PARD3: variants seen among roughly 807,000 people sequenced by gnomAD.
PARD3 encodes partitioning defective 3 homolog.
PARD3 carries 75 observed loss-of-function variants against 155.4 expected under a neutral mutation model. The ratio of observed to expected loss-of-function variants is 0.48; its 90% confidence interval spans 0.40 to 0.58. PARD3 has a LOEUF of 0.58. Among genes scored for constraint, PARD3 ranks in the 20% least tolerant of loss-of-function variants. The pLI, the probability that PARD3 is intolerant of heterozygous loss-of-function variation, is 0.00. For synonymous variants in PARD3, 576 were observed against 610.5 expected, an observed-to-expected ratio of 0.94 and a Z score of 0.83; for missense variants, 1,642 against 1,721.7, an observed-to-expected ratio of 0.95 and a Z score of 0.82.
chr10:34,785,456 GAA>G (rs1175761398), intron 1 of PARD3, among the ~76,000 whole-genome samples: 1 of 151,428 alleles, frequency 6.6e-6, no homozygotes. Flanking sequence ...TTTTTAGAAA[GAA>G]AAAGAGTCCA....
intron 22 of PARD3, among the ~76,000 whole-genome samples, chr10:34,214,734 A>G (rs1210224028): frequency 3.3e-5 from 5 of 152,240 alleles, no homozygotes; most frequent in Middle Eastern, 6.3e-3. Flanking sequence ...ATCTGAAAGC[A>G]TCATACAGAG....
At chr10:34,153,289 G>A (rs1374040930) in intron 22 of PARD3, among the ~76,000 whole-genome samples, 1 of 152,114 alleles carries the variant, frequency 6.6e-6, no homozygotes, top group East Asian at 1.9e-4. Context: ...TGGAATTACA[G>A]GTGTGAGATA....
intron 3 of PARD3, among the ~76,000 whole-genome samples, chr10:34,495,738 T>C (rs1479263633): frequency 2.6e-5 from 4 of 151,526 alleles, no homozygotes; most frequent in African/African-American, 9.7e-5. Flanking sequence ...GTTATTCAAA[T>C]GTGGGGCAAC....
At chr10:34,136,671 A>C (rs1342504552) in intron 22 of PARD3, among the ~76,000 whole-genome samples, 1 of 152,174 alleles carries the variant, frequency 6.6e-6, no homozygotes, top group East Asian at 1.9e-4. Context: ...GCTGCCAAAG[A>C]AGAGAGGAAA....
At chr10:34,442,966 G>A (rs923722168) in intron 5 of PARD3, among the ~76,000 whole-genome samples, 2 of 151,632 alleles carry the variant, frequency 1.3e-5, no homozygotes, top group African/African-American at 4.9e-5. Flanking sequence ...CTAGATCTCA[G>A]GGAAATGAGA....
chr10:34,346,149 A>G, intron 15 of PARD3: 1 of 1,027,820 alleles, frequency 9.7e-7, no homozygotes, highest in Non-Finnish European at 1.2e-6. Flanking sequence ...GAGTTTTAAG[A>G]GTTCAGTACA....
At chr10:34,206,569 T>C (rs1951489777) in intron 22 of PARD3, among the ~76,000 whole-genome samples, 1 of 152,202 alleles carries the variant, frequency 6.6e-6, no homozygotes, top group Admixed American at 6.5e-5. Flanking sequence ...GAGGACGCAG[T>C]GTTGCATCTC....
At chr10:34,234,597 C>G (rs1371362706) in intron 22 of PARD3, among the ~76,000 whole-genome samples, 1 of 152,126 alleles carries the variant, frequency 6.6e-6, no homozygotes. Context: ...AGTACTCAGC[C>G]AAATGTCATC....
chr10:34,772,186 G>A (rs541920962), intron 1 of PARD3, among the ~76,000 whole-genome samples: 3 of 152,224 alleles, frequency 2.0e-5, no homozygotes, highest in Admixed American at 2.0e-4. Context: ...ACTTTGGGAG[G>A]CTGAGGCGGG....
In PARD3 at chr10:34,809,599, T is replaced by C. The variant is rs112521176; in HGVS notation, c.120+5277A>G. Among the ~76,000 whole-genome samples the C allele has an allele frequency of 6.5e-3, 993 of 151,942 alleles. 12 individuals are homozygous for C. The highest frequency in any genetic ancestry group is 0.023 in the African/African-American group (935 of 41,416). ...AAATGCCAGAACAGAGGCAGCAAAG[T>C]GTATGTGAGTCCCAGGGGGTGGAGC... On this transcript the variant is annotated intron_variant, in intron 1 of 24. Transcript: ENST00000374788.
chr10:34,605,210 T>G (rs1394516421), intron 2 of PARD3, among the ~76,000 whole-genome samples: 31 of 64,240 alleles, frequency 4.8e-4, no homozygotes, highest in Non-Finnish European at 1.3e-4. Flanking sequence ...TTTTTTTTTT[T>G]GAGACGGAGT....
At chr10:34,592,781 T>G (rs968594051) in intron 2 of PARD3, among the ~76,000 whole-genome samples, 15 of 151,978 alleles carry the variant, frequency 9.9e-5, no homozygotes, top group Non-Finnish European at 7.4e-5. Context: ...TCTCAAAAAC[T>G]ATATAATAAT....
At chr10:34,803,003 A>T (rs1842958016) in intron 1 of PARD3, among the ~76,000 whole-genome samples, 1 of 150,966 alleles carries the variant, frequency 6.6e-6, no homozygotes, top group Non-Finnish European at 1.5e-5. Flanking sequence ...AGGCGGGTGG[A>T]TCACTTGAGG....
chr10:34,467,676 G>A (rs1323494888), intron 4 of PARD3, among the ~76,000 whole-genome samples: 1 of 152,106 alleles, frequency 6.6e-6, no homozygotes, highest in Non-Finnish European at 1.5e-5. Context: ...AACCTGGGAG[G>A]TAGAAGTTGT....
intron 1 of PARD3, among the ~76,000 whole-genome samples, chr10:34,725,896 GA>G (rs1330071700): frequency 2.0e-5 from 3 of 152,176 alleles, no homozygotes; most frequent in Non-Finnish European, 2.9e-5. Context: ...TGTCTTGAGT[GA>G]ATGCGTTTGT....
At chr10:34,718,341 T>TAG (rs2094552911) in intron 1 of PARD3, among the ~76,000 whole-genome samples, 2 of 151,764 alleles carry the variant, frequency 1.3e-5, no homozygotes, top group African/African-American at 2.4e-5. Context: ...GGAGAAATCT[T>TAG]AGGACAAAGG....
At chr10:34,336,325 G>T in intron 17 of PARD3, 82 bp from the exon 18 acceptor site, 2 of 964,938 alleles carry the variant, frequency 2.1e-6, no homozygotes, top group Non-Finnish European at 3.3e-6. Context: ...GATCTTTTTA[G>T]TTAGGTGACG....
At chr10:34,639,740 C>T (rs79005413) in intron 2 of PARD3, among the ~76,000 whole-genome samples, 7,354 of 151,926 alleles carry the variant, frequency 0.048, 546 homozygotes, top group African/African-American at 0.16. Context: ...CATGCTTGTA[C>T]CTGTAGTCCC....
chr10:34,281,163 C>T (rs1956140123), intron 21 of PARD3, among the ~76,000 whole-genome samples: 1 of 152,090 alleles, frequency 6.6e-6, no homozygotes, highest in African/African-American at 2.4e-5. Flanking sequence ...GGAACATGTT[C>T]TGTTTTGAGT....
Sources: allele counts gnomAD v4.1 joint callset (sites outside exome capture counted in the v4.1 genomes callset), GRCh38; gene constraint gnomAD v4.1.1; transcripts MANE v1.5; gene names NCBI Gene and HGNC (gene_info 2026-07-23, HGNC 2026-07-21).